SALL3: variants seen among roughly 807,000 people sequenced by gnomAD.
The protein encoded by SALL3 is spalt like transcription factor 3.
In SALL3, 25 loss-of-function variants were observed where a neutral mutation model predicts 66.2. The observed-to-expected ratio is 0.38, with a 90% CI of 0.28 to 0.53. SALL3 has a LOEUF of 0.53. Among genes scored for constraint, SALL3 ranks in the 20% least tolerant of loss-of-function variants. The pLI, the probability that SALL3 is intolerant of heterozygous loss-of-function variation, is 0.85. For missense variants in SALL3, 2,194 were observed against 1,916.5 expected (o/e 1.14, Z -2.70); for synonymous variants, 1,152 against 899.1 (o/e 1.28, Z -5.03).
At chr18:78,989,448 A>G (rs1336894073) in intron 1 of SALL3, among the ~76,000 whole-genome samples, 1 of 152,200 alleles carries the variant, frequency 6.6e-6, no homozygotes, top group Non-Finnish European at 1.5e-5. Context: ...GGAAATGTTC[A>G]TTTTTAAAGA....
rs753691685 is a variant in SALL3, at chr18:78,995,019, T to C, written c.3028T>C (p.Cys1010Arg). Reference sequence around the variant, plus strand: ...GGAGCGGCCATTCGTCTGCGCGCTCTGCAGGCGAGGGTGCTCCACTATGGG... The same window carrying C: ...GGAGCGGCCATTCGTCTGCGCGCTCCGCAGGCGAGGGTGCTCCACTATGGG... Reference protein sequence around the residue: ...TKERPFVCALCRRGCSTMGNL... With the variant: ...TKERPFVCALRRRGCSTMGNL... The change falls in exon 2 of 3, where the codon TGC becomes CGC. Residue 1010 changes from cysteine to arginine, a missense_variant. Transcript: ENST00000537592. 10 of 1,613,782 alleles carry C rather than the reference T, an allele frequency of 6.2e-6. No individual in the cohort carries two copies. Among genetic ancestry groups the C allele is most frequent in the Non-Finnish European group, 8.5e-6 (10 of 1,180,036 alleles).
At chr18:78,986,304 T>C (rs941626143) in intron 1 of SALL3, among the ~76,000 whole-genome samples, 2 of 152,194 alleles carry the variant, frequency 1.3e-5, no homozygotes, top group Non-Finnish European at 2.9e-5. Context: ...GTGTGGGCCA[T>C]GGCGTCGACG....
intron 1 of SALL3, among the ~76,000 whole-genome samples, chr18:78,991,389 G>GGC (rs1914430299): frequency 1.8e-5 from 2 of 109,934 alleles, no homozygotes; most frequent in Non-Finnish European, 3.7e-5. Context: ...AGGGTGGGGG[G>GGC]GGGGGAACTG....
At chr18:78,982,820 A>G (rs1914117367) in intron 1 of SALL3, among the ~76,000 whole-genome samples, 1 of 152,216 alleles carries the variant, frequency 6.6e-6, no homozygotes, top group South Asian at 2.1e-4. Flanking sequence ...GGAGTGACAT[A>G]TTAATTAAAG....
At position 78,994,982 on chromosome 18, in the gene SALL3, C is replaced by T; in HGVS notation, c.2991C>T (p.Arg997=). ...AGAGCGCGTTGGAAATCCACTACCG[C>T]AGCCATACTAAGGAGCGGCCATTCG... is the stretch of plus-strand genomic sequence containing the variant. ...ACKSALEIHY[R]SHTKERPFVC... is the part of the protein sequence containing the mutation. Residue 997 remains arginine (R), a synonymous_variant, in exon 2 of 3, where the codon CGC becomes CGT. Transcript: ENST00000537592. 2 of 1,613,862 alleles carry T rather than the reference C, an allele frequency of 1.2e-6. No individual in the cohort carries two copies. The highest frequency in any genetic ancestry group is 2.2e-5 in the East Asian group (1 of 44,872).
chr18:78,996,046 T>C (rs1464049552), intron 2 of SALL3, among the ~76,000 whole-genome samples: 1 of 152,148 alleles, frequency 6.6e-6, no homozygotes, highest in African/African-American at 2.4e-5. Context: ...TCACATGTAA[T>C]ACAAGCAGTA....
At chr18:78,981,889 C>T (rs1377783576) in intron 1 of SALL3, among the ~76,000 whole-genome samples, 3 of 152,156 alleles carry the variant, frequency 2.0e-5, no homozygotes, top group East Asian at 1.9e-4. Context: ...GAAAGACAGT[C>T]TTTCCTTCAA....
chr18:78,992,261 C>A lies in SALL3; in HGVS notation c.270C>A (p.Pro90=), dbSNP rs539698780. ...LIVHEDAPAP[P]PEDFPEPSPA... ...TGCACGAGGACGCGCCCGCGCCGCC[C>A]CCCGAGGACTTCCCCGAGCCTTCGC... is the stretch of plus-strand genomic sequence containing the variant. Residue 90 remains proline (P), a synonymous_variant, in exon 2 of 3, where the codon CCC becomes CCA. Transcript: ENST00000537592. 1 of 1,568,832 alleles carries A rather than the reference C, an allele frequency of 6.4e-7. No individual in the cohort carries two copies. The highest frequency in any genetic ancestry group is 1.4e-5 in the African/African-American group (1 of 71,884).
intron 1 of SALL3, chr18:78,991,787 C>CAG: frequency 2.6e-6 from 1 of 383,566 alleles, no homozygotes; most frequent in Non-Finnish European, 4.6e-6. Flanking sequence ...TTGTACTCAA[C>CAG]AGACAGGGTA....
Position 78,994,573 on chromosome 18 carries a change from G to A in SALL3, c.2582G>A (p.Gly861Asp). The A allele has an allele frequency of 1.2e-6, 2 of 1,611,678 alleles. No homozygotes were observed. The highest frequency in any genetic ancestry group is 1.7e-6 in the Non-Finnish European group (2 of 1,179,394). The change falls in exon 2 of 3, where the codon GGC becomes GAC. Residue 861 changes from glycine (G) to aspartate (D), a missense_variant. Gly to Asp is a moderately conservative substitution (Grantham distance 94). Transcript: ENST00000537592. ...GTCATGAGCTGCCAGCAGCTGACCG[G>A]CCTCAAGTCCGTGGAGAACGGGTCC... ...DSVMSCQQLT[G>D]LKSVENGSGE...
At chr18:78,989,134 A>G (rs560712935) in intron 1 of SALL3, among the ~76,000 whole-genome samples, 1 of 152,234 alleles carries the variant, frequency 6.6e-6, no homozygotes, top group Admixed American at 6.5e-5. Flanking sequence ...ATGACTTACT[A>G]TGTGGCAGAA....
Position 78,997,014 on chromosome 18 carries a change from G to A in SALL3, c.3595G>A (p.Asp1199Asn), listed in dbSNP as rs1914718213. 1 of 1,614,056 alleles carries A rather than the reference G, an allele frequency of 6.2e-7. No homozygotes were observed. Among genetic ancestry groups the A allele is most frequent in the Non-Finnish European group, 8.5e-7 (1 of 1,180,048 alleles). ...ALKFSEMFQK[D>N]LAARAMNVDP... ...GAAGTTCTCTGAAATGTTCCAGAAG[G>A]ACCTGGCAGCTCGGGCAATGAACGT... The change falls in exon 3 of 3, where the codon GAC becomes AAC. Residue 1199 changes from aspartate (D) to asparagine (N), a missense_variant. Asp to Asn is a conservative substitution (Grantham distance 23, BLOSUM62 1). Coordinates refer to ENST00000537592, the MANE Select transcript of SALL3 (RefSeq NM_171999.4).
At position 78,979,832 on chromosome 18, in the gene SALL3, G is replaced by A. The variant is rs1452501401; in HGVS notation, c.-443G>A. Among the ~76,000 whole-genome samples the A allele has an allele frequency of 6.9e-6, 1 of 144,936 alleles. No individual in the cohort carries two copies. Among genetic ancestry groups the A allele is most frequent in the Non-Finnish European group, 1.5e-5 (1 of 65,304 alleles). On this transcript the variant is annotated 5_prime_UTR_variant, in exon 1 of 3. Coordinates refer to ENST00000537592, the MANE Select transcript of SALL3 (RefSeq NM_171999.4). ...GGCGCGCCGGCGGAGACGGCGCCGC[G>A]CGGACGCCGCCAAAGTTTGCTGCCT...
chr18:78,997,547 A>G lies in SALL3; in HGVS notation c.*225A>G. The G allele has an allele frequency of 3.7e-6, 2 of 538,744 alleles. No individual in the cohort carries two copies. The highest frequency in any genetic ancestry group is 6.5e-6 in the Non-Finnish European group (2 of 308,930). The allele number at this position is 538,744 out of a possible 1,614,324, so 33.4% of individuals were successfully genotyped here. A position where few individuals can be genotyped will look rare whatever the true frequency, so the allele number is the denominator to read the frequency against. On this transcript the variant is annotated 3_prime_UTR_variant, in exon 3 of 3. Coordinates refer to ENST00000537592, the MANE Select transcript of SALL3 (RefSeq NM_171999.4). ...ATCTTTTAAATAAGCTTCCTTCAAAAAAAAAAGTGCTTGGAAAACCGCCTT... is the reference window on the plus strand; with the variant it reads ...ATCTTTTAAATAAGCTTCCTTCAAAGAAAAAAGTGCTTGGAAAACCGCCTT...
intron 1 of SALL3, among the ~76,000 whole-genome samples, chr18:78,982,907 G>A (rs1274475327): frequency 6.6e-6 from 1 of 152,120 alleles, no homozygotes; most frequent in African/African-American, 2.4e-5. Context: ...ATGCAAAAAT[G>A]TTTAGTATAA....
chr18:78,982,585 G>A (rs1215369547), intron 1 of SALL3, among the ~76,000 whole-genome samples: 5 of 152,172 alleles, frequency 3.3e-5, no homozygotes, highest in Non-Finnish European at 7.3e-5. Context: ...CCCCATTTGT[G>A]TATTACTCGG....
chr18:78,995,633 GAT>G (rs761493981), intron 2 of SALL3, among the ~76,000 whole-genome samples, 171 bp downstream of exon 2: 6 of 152,142 alleles, frequency 3.9e-5, no homozygotes, highest in Non-Finnish European at 8.8e-5. Flanking sequence ...TATAGGGTGT[GAT>G]ATGTGTGTGT....
Position 78,995,247 on chromosome 18 carries a change from G to A in SALL3, c.3256G>A (p.Val1086Ile). 1 of 1,599,576 alleles carries A rather than the reference G, an allele frequency of 6.3e-7. No individual in the cohort carries two copies. Among genetic ancestry groups the A allele is most frequent in the South Asian group, 1.1e-5 (1 of 90,700 alleles). The change falls in exon 2 of 3, where the codon GTC (valine) becomes ATC (isoleucine). Residue 1086 changes from valine to isoleucine, a missense_variant. Physicochemically the swap from Val to Ile is conservative, Grantham distance 29 (BLOSUM62 3). Transcript: ENST00000537592. ...TCCCCCGCTGCCCGCGGGCGTCCAG[G>A]TCCCCGCCGGGCCTCAGACAGTGAT... The part of the protein sequence containing the change: ...EGPPLPAGVQ[V>I]PAGPQTVMGP...
At chr18:78,982,934 A>G (rs1914121973) in intron 1 of SALL3, among the ~76,000 whole-genome samples, 1 of 152,234 alleles carries the variant, frequency 6.6e-6, no homozygotes, top group South Asian at 2.1e-4. Context: ...ACAGAGATGC[A>G]CTCACATTAA....
Sources: gnomAD v4.1 joint callset for allele counts (sites outside exome capture counted in the v4.1 genomes callset) on GRCh38, gnomAD v4.1.1 for gene constraint, MANE v1.5 for transcripts, NCBI Gene and HGNC (gene_info 2026-07-23, HGNC 2026-07-21) for gene names.